Variants in ALKBH8 observed in about 807,000 individuals in gnomAD.
The protein encoded by ALKBH8 is alkB homolog 8, tRNA methyltransferase, also known as tRNA (carboxymethyluridine(34)-5-O)-methyltransferase ALKBH8.
A neutral mutation model predicts 59.8 loss-of-function variants in ALKBH8; 36 were observed. That is an observed-to-expected ratio of 0.60 (90% CI 0.46 to 0.79). The LOEUF (loss-of-function observed/expected upper bound fraction) is 0.79. Ranked by LOEUF, ALKBH8 falls within the 30% of genes least tolerant of loss-of-function variation. The probability of loss-of-function intolerance (pLI) is 0.00; values close to 1 mark genes in which losing one functional copy is unlikely to be tolerated. For synonymous variants in ALKBH8, 276 were observed against 273.6 expected (o/e 1.01, Z -0.09); for missense variants, 768 against 801.0 (o/e 0.96, Z 0.50).
chr11:107,549,882 G>T, intron 6 of ALKBH8, 59 bp from the exon 7 acceptor site: 1 of 1,194,032 alleles, frequency 8.4e-7, no homozygotes, highest in Non-Finnish European at 1.2e-6. Context: ...GATTTAAGAT[G>T]GCTATAAATG....
At chr11:107,533,041 A>G (rs901343209) in intron 7 of ALKBH8, among the ~76,000 whole-genome samples, 1 of 152,134 alleles carries the variant, frequency 6.6e-6, no homozygotes, top group Admixed American at 6.5e-5. Flanking sequence ...ATAAAGAGAC[A>G]ATCAAAAAAA....
intron 7 of ALKBH8, among the ~76,000 whole-genome samples, chr11:107,545,061 A>C (rs1864194822): frequency 6.6e-6 from 1 of 152,146 alleles, no homozygotes; most frequent in East Asian, 1.9e-4. Flanking sequence ...ATAAGAATAA[A>C]GTATGGGGCC....
At chr11:107,564,725 C>T (rs1426296196) in intron 1 of ALKBH8, among the ~76,000 whole-genome samples, 2 of 152,172 alleles carry the variant, frequency 1.3e-5, no homozygotes, top group Non-Finnish European at 2.9e-5. Context: ...TTGAATAACA[C>T]TTACTACATA....
chr11:107,539,889 T>C (rs1863968786), intron 7 of ALKBH8, among the ~76,000 whole-genome samples: 1 of 152,202 alleles, frequency 6.6e-6, no homozygotes, highest in Non-Finnish European at 1.5e-5. Context: ...ACAAGTTCTA[T>C]TCCCTTGTTC....
In ALKBH8 at chr11:107,557,012, A is replaced by G. The variant is rs1194749963; in HGVS notation, c.130-9T>C. ...TTGGCAACAACCAGGCTCTTAAAAAACAAACAAACAAACAAAAAGAAAGTA... is the reference window on the plus strand; with the variant it reads ...TTGGCAACAACCAGGCTCTTAAAAAGCAAACAAACAAACAAAAAGAAAGTA... On this transcript the variant is annotated splice_polypyrimidine_tract_variant and intron_variant, in intron 2 of 11. Transcript: ENST00000428149. The G allele has an allele frequency of 2.7e-6, 4 of 1,508,992 alleles. No homozygotes were observed. The highest frequency in any genetic ancestry group is 3.6e-6 in the Non-Finnish European group (4 of 1,126,092). 93.5% of individuals were successfully genotyped at this position (1,508,992 alleles called of 1,614,324 possible). A position where few individuals can be genotyped will look rare whatever the true frequency, so the allele number is the denominator to read the frequency against.
chr11:107,558,083 TA>T (rs1864789110), intron 2 of ALKBH8, among the ~76,000 whole-genome samples: 1 of 152,310 alleles, frequency 6.6e-6, no homozygotes, highest in African/African-American at 2.4e-5. Flanking sequence ...TTTAAGAATG[TA>T]AAACTCATTA....
chr11:107,549,694 G>C (rs1864413526), intron 7 of ALKBH8, 59 bp downstream of exon 7: 20 of 1,175,870 alleles, frequency 1.7e-5, no homozygotes, highest in Non-Finnish European at 2.4e-5. Flanking sequence ...GATAATCTTT[G>C]AAAAGGGCAT....
At chr11:107,527,549 C>T (rs922448863) in intron 8 of ALKBH8, among the ~76,000 whole-genome samples, 1 of 151,828 alleles carries the variant, frequency 6.6e-6, no homozygotes, top group Admixed American at 6.6e-5. Flanking sequence ...AGGCTAATTG[C>T]TTTTTAAACA....
intron 8 of ALKBH8, among the ~76,000 whole-genome samples, chr11:107,532,021 A>C (rs973134723): frequency 6.6e-6 from 1 of 152,174 alleles, no homozygotes; most frequent in African/African-American, 2.4e-5. Context: ...AACATATGTG[A>C]GAGAGAAATA....
Position 107,522,289 on chromosome 11 carries a change from C to CA in ALKBH8, c.1287+9dup. On this transcript the variant is annotated intron_variant, in intron 10 of 11. Transcript: ENST00000428149. ...TAAGCAAAAAGAAAGTCAAAAGCAA[C>CA]ATTACTTGCCATATATAACTCCTTA... The CA allele has an allele frequency of 6.4e-7, 1 of 1,550,516 alleles. No homozygotes were observed. Among genetic ancestry groups the CA allele is most frequent in the East Asian group, 2.4e-5 (1 of 40,862 alleles).
intron 7 of ALKBH8, among the ~76,000 whole-genome samples, chr11:107,539,970 A>G (rs565988948): frequency 6.6e-6 from 1 of 152,340 alleles, no homozygotes; most frequent in Admixed American, 6.5e-5. Flanking sequence ...AACTGCACAC[A>G]TGAGCACAGG....
intron 7 of ALKBH8, 142 bp downstream of exon 7, chr11:107,549,611 A>G (rs546750100): frequency 1.8e-6 from 1 of 547,458 alleles, no homozygotes; most frequent in Non-Finnish European, 3.0e-6. Context: ...GAGGACATTT[A>G]AAAGAAACCA....
Position 107,532,282 on chromosome 11 carries a change from T to A in ALKBH8, c.878+18A>T. ...AGTCTCATAAAGAAAAAGAATCCTG[T>A]CATATTTCAATACATACCCATGGGT... On this transcript the variant is annotated intron_variant, in intron 8 of 11. Coordinates refer to ENST00000428149, the MANE Select transcript of ALKBH8 (RefSeq NM_138775.3). 6.3e-7 allele frequency: 1 copy of A among 1,595,264 alleles called. No homozygotes were observed. The highest frequency in any genetic ancestry group is 8.6e-7 in the Non-Finnish European group (1 of 1,166,200).
In ALKBH8 at chr11:107,504,943, T is replaced by C; in HGVS notation, c.1710A>G (p.Ser570=). ...INDSQEGGCN[S]RQVSNSKLPV... ...GCAGCTTGGAATTAGAAACTTGCCT[T>C]GAATTACATCCTCCTTCCTGAGAGT... The change falls in exon 12 of 12, where the codon TCA becomes TCG. Residue 570 remains serine (S), a synonymous_variant. Coordinates refer to ENST00000428149, the MANE Select transcript of ALKBH8 (RefSeq NM_138775.3). 6.4e-7 allele frequency: 1 copy of C among 1,551,912 alleles called. No homozygotes were observed. Among genetic ancestry groups the C allele is most frequent in the South Asian group, 1.2e-5 (1 of 84,052 alleles).
In ALKBH8 at chr11:107,551,914, T is replaced by C; in HGVS notation, c.596-2A>G. On this transcript the variant is annotated splice_acceptor_variant, in intron 5 of 11. Coordinates refer to ENST00000428149, the MANE Select transcript of ALKBH8 (RefSeq NM_138775.3). LOFTEE classifies it high-confidence loss of function. Reference sequence around the variant, plus strand: ...AGCTTTCACAAATGTCAGGAAGACCTACAATGAGTAATCATAAAGACAAAA... The same window carrying C: ...AGCTTTCACAAATGTCAGGAAGACCCACAATGAGTAATCATAAAGACAAAA... The C allele has an allele frequency of 4.8e-6, 7 of 1,455,302 alleles. No individual in the cohort carries two copies. The highest frequency in any genetic ancestry group is 6.4e-6 in the Non-Finnish European group (7 of 1,094,442). The allele number at this position is 1,455,302 out of a possible 1,614,324, so 90.1% of individuals were successfully genotyped here.
chr11:107,526,102 C>A (rs927525915), intron 8 of ALKBH8, among the ~76,000 whole-genome samples: 1 of 151,872 alleles, frequency 6.6e-6, no homozygotes, highest in Non-Finnish European at 1.5e-5. Flanking sequence ...TAGTTTTATT[C>A]CTCTTGGGTA....
Position 107,525,569 on chromosome 11 carries a change from G to A in ALKBH8, c.902C>T (p.Thr301Ile). 2 of 1,441,658 alleles carry A rather than the reference G, an allele frequency of 1.4e-6. No individual in the cohort carries two copies. Among genetic ancestry groups the A allele is most frequent in the East Asian group, 2.8e-5 (1 of 35,752 alleles). 89.3% of individuals were successfully genotyped at this position (1,441,658 alleles called of 1,614,324 possible). A position where few individuals can be genotyped will look rare whatever the true frequency, so the allele number is the denominator to read the frequency against. The change falls in exon 9 of 12, where the codon ACT becomes ATT. Residue 301 changes from threonine to isoleucine, a missense_variant. Thr to Ile is a moderately conservative substitution (Grantham distance 89). Transcript: ENST00000428149. ...THGITCRKFD[T>I]VQASESLKSG... ...TTTAAGACTCTCAGATGCTTGAACA[G>A]TATCAAATTTTCTGCACGTGATTCT...
intron 3 of ALKBH8, among the ~76,000 whole-genome samples, chr11:107,556,049 GCA>G (rs1864692684): frequency 6.6e-6 from 1 of 152,186 alleles, no homozygotes; most frequent in Non-Finnish European, 1.5e-5. Flanking sequence ...GGAGGCCAAG[GCA>G]GGCGGATTAC....
At chr11:107,526,459 TTAGATACAGA>T (rs1447100070) in intron 8 of ALKBH8, among the ~76,000 whole-genome samples, 4 of 151,982 alleles carry the variant, frequency 2.6e-5, no homozygotes, top group African/African-American at 7.2e-5. Context: ...CAATTCCTTG[TTAGATACAGA>T]TAGATACAGA....
Sources: gnomAD v4.1 joint callset for allele counts (sites outside exome capture counted in the v4.1 genomes callset) on GRCh38, gnomAD v4.1.1 for gene constraint, MANE v1.5 for transcripts, NCBI Gene and HGNC (gene_info 2026-07-23, HGNC 2026-07-21) for gene names.